RASGRF1: variants seen among roughly 807,000 people sequenced by gnomAD.
RASGRF1 encodes the protein Ras protein specific guanine nucleotide releasing factor 1.
RASGRF1 carries 40 observed loss-of-function variants against 138.7 expected under a neutral mutation model. The ratio of observed to expected loss-of-function variants is 0.29; its 90% CI spans 0.22 to 0.38. The LOEUF is 0.38. RASGRF1 is among the 10% of genes least tolerant of loss of function. RASGRF1 has a pLI of 1.00. For synonymous variants in RASGRF1, 614 were observed against 663.2 expected, an observed-to-expected ratio of 0.93 and a Z score of 1.14; for missense variants, 1,108 against 1,650.4, an observed-to-expected ratio of 0.67 and a Z score of 5.69.
rs2057082552 is a variant in RASGRF1 at position 79,027,871 on chromosome 15, G to C, written c.1263-12C>G. On this transcript the variant is annotated splice_polypyrimidine_tract_variant and intron_variant, in intron 8 of 26. Transcript: ENST00000558480. This position sits in a 1 kb window ranked among gnomAD's most constrained non-coding sequence, Gnocchi z 4.8. The stretch of plus-strand genomic sequence containing the variant: ...CATCGTGCATTATTCTGTGGGGATG[G>C]GAAACTGCACAGTCAGAGACAGGCT... 1.2e-6 allele frequency: 2 copies of C among 1,613,494 alleles called. No individual in the cohort carries two copies. The highest frequency in any genetic ancestry group is 4.5e-5 in the East Asian group (2 of 44,880).
intron 5 of RASGRF1, among the ~76,000 whole-genome samples, 161 bp from the exon 6 acceptor site, chr15:79,035,371 G>C (rs2057205520): frequency 6.6e-6 from 1 of 152,214 alleles, no homozygotes; most frequent in Non-Finnish European, 1.5e-5. Flanking sequence ...ATAATCTGGG[G>C]GTGCCTGGTG....
intron 1 of RASGRF1, among the ~76,000 whole-genome samples, chr15:79,085,759 C>T (rs971783460): frequency 1.3e-5 from 2 of 152,088 alleles, no homozygotes; most frequent in East Asian, 1.9e-4. Flanking sequence ...AGGAGAGAGG[C>T]GAGCTCCCTA....
chr15:79,082,049 T>C (rs2057920697), intron 1 of RASGRF1, among the ~76,000 whole-genome samples: 1 of 152,162 alleles, frequency 6.6e-6, no homozygotes, highest in Non-Finnish European at 1.5e-5. Context: ...CGTGTCCTCA[T>C]GAAACCACCA....
chr15:78,980,983 G>A (rs1304292398), intron 23 of RASGRF1: 5 of 296,040 alleles, frequency 1.7e-5, no homozygotes, highest in Non-Finnish European at 2.5e-5. Flanking sequence ...GCAGGATCCC[G>A]AGACCTGGGC....
chr15:79,060,880 G>C (rs2057594931), intron 2 of RASGRF1, among the ~76,000 whole-genome samples: 1 of 152,156 alleles, frequency 6.6e-6, no homozygotes, highest in Admixed American at 6.5e-5. Flanking sequence ...TTGCACAGTT[G>C]CCCTGCAGGG....
In RASGRF1 at chr15:78,979,081, C is replaced by T. The variant is rs745745510; in HGVS notation, c.3494+1539G>A. 43 of 1,289,892 alleles carry T rather than the reference C, an allele frequency of 3.3e-5. No individual in the cohort carries two copies. The Middle Eastern group carries it at 6.4e-4, about 19-fold the overall frequency. 79.9% of individuals were successfully genotyped at this position (1,289,892 alleles called of 1,614,324 possible). A position where few individuals can be genotyped will look rare whatever the true frequency, so the allele number is the denominator to read the frequency against. On this transcript the variant is annotated intron_variant, in intron 24 of 26. Transcript: ENST00000558480. ...GGTGGATGGAGTGGTGCCCCGGGGG[C>T]GGACGGACGGACAAGTTGGTGAATG...
chr15:79,077,416 T>C (rs2057848563), intron 1 of RASGRF1, among the ~76,000 whole-genome samples: 1 of 152,206 alleles, frequency 6.6e-6, no homozygotes, highest in African/African-American at 2.4e-5. Flanking sequence ...AATAGTGTTT[T>C]GTAAACCACT....
In RASGRF1 at chr15:78,962,098, C is replaced by T. The variant is rs4778731; in HGVS notation, c.*46G>A. ...ACCAAACGAATATGTACAGTATCAT[C>T]TAGCACATGTCCCCGGGAGCAGCTG... On this transcript the variant is annotated 3_prime_UTR_variant, in exon 27 of 27. Transcript: ENST00000558480. 5 of 1,213,584 alleles carry T rather than the reference C, an allele frequency of 4.1e-6. No homozygotes were observed. Among genetic ancestry groups the T allele is most frequent in the African/African-American group, 1.5e-5 (1 of 66,474 alleles). The allele number at this position is 1,213,584 out of a possible 1,614,324, so 75.2% of individuals were successfully genotyped here.
chr15:79,066,703 T>G (rs979600038), intron 1 of RASGRF1, among the ~76,000 whole-genome samples: 11 of 152,192 alleles, frequency 7.2e-5, no homozygotes, highest in African/African-American at 2.4e-4. Flanking sequence ...CCATGTGTAC[T>G]GGAATCCCCT....
At chr15:78,980,805 T>TTGCCTTCC (rs2056009832) in intron 23 of RASGRF1, 106 bp from the exon 24 acceptor site, 1 of 806,310 alleles carries the variant, frequency 1.2e-6, no homozygotes, top group East Asian at 2.7e-5. Flanking sequence ...GGCTCCAGAA[T>TTGCCTTCC]TGCCTTCCCT....
At position 78,984,915 on chromosome 15, in the gene RASGRF1, C is replaced by T. The variant is rs779727197; in HGVS notation, c.3414+92G>A. 1.5e-5 allele frequency: 21 copies of T among 1,404,278 alleles called. No individual in the cohort carries two copies. The South Asian group carries it at 1.9e-4, about 13-fold the overall frequency. 87.0% of individuals were successfully genotyped at this position (1,404,278 alleles called of 1,614,324 possible). On this transcript the variant is annotated intron_variant, in intron 23 of 26. Transcript: ENST00000558480. ...AGACCTCAGCCCAGTACTTTGCCCACTTGTGGATGCCCAGTGGCCAGCCCA... is the reference window on the plus strand; with the variant it reads ...AGACCTCAGCCCAGTACTTTGCCCATTTGTGGATGCCCAGTGGCCAGCCCA...
In RASGRF1 at chr15:79,025,530, G is replaced by T; in HGVS notation, c.1382-56C>A. 1.9e-6 allele frequency: 3 copies of T among 1,557,672 alleles called. No individual in the cohort carries two copies. The South Asian group carries it at 3.6e-5, about 18-fold the overall frequency. On this transcript the variant is annotated intron_variant, in intron 9 of 26. Transcript: ENST00000558480. ...ATCTCCTGGGGTGACCTTTGCCTCT[G>T]ACCCAGCCTTGAAGGTTGAGATGCT... is the stretch of plus-strand genomic sequence containing the variant.
chr15:79,041,868 T>C (rs1457134860), intron 5 of RASGRF1, among the ~76,000 whole-genome samples: 1 of 152,132 alleles, frequency 6.6e-6, no homozygotes, highest in Non-Finnish European at 1.5e-5. Flanking sequence ...GATGAATTGA[T>C]TGTGGCATGC....
In RASGRF1 at chr15:79,073,925, G is replaced by A. The variant is rs1439541207; in HGVS notation, c.277-9399C>T. Among the ~76,000 whole-genome samples the A allele has an allele frequency of 6.6e-6, 1 of 152,214 alleles. No individual in the cohort carries two copies. Among genetic ancestry groups the A allele is most frequent in the Non-Finnish European group, 1.5e-5 (1 of 68,044 alleles). On this transcript the variant is annotated intron_variant, in intron 1 of 26. Coordinates refer to ENST00000558480, the MANE Select transcript of RASGRF1 (RefSeq NM_001145648.3). The surrounding 1 kb of genome is among the most constrained non-coding windows in gnomAD (Gnocchi z 4.2). The stretch of plus-strand genomic sequence containing the variant: ...GTGATCCTGCTGCACCCTGTGGTAT[G>A]AGAAGCATTGCTTAAGGCAAGCCAC...
intron 24 of RASGRF1, among the ~76,000 whole-genome samples, chr15:78,977,963 A>G (rs971974089): frequency 5.9e-5 from 9 of 152,158 alleles, no homozygotes; most frequent in African/African-American, 2.2e-4. Context: ...GGAGGAGGGA[A>G]CAGGCATAGG....
intron 12 of RASGRF1, among the ~76,000 whole-genome samples, chr15:79,016,051 C>G (rs928374434): frequency 2.6e-5 from 4 of 152,190 alleles, no homozygotes; most frequent in Admixed American, 6.5e-5. Flanking sequence ...ATAGGAAGTA[C>G]CCGCCCAAAC....
In RASGRF1 at chr15:79,090,715, C is replaced by T. The variant is rs754612075; in HGVS notation, c.-217G>A. 1.1e-5 allele frequency: 7 copies of T among 647,594 alleles called. No homozygotes were observed. The highest frequency in any genetic ancestry group is 8.8e-5 in the South Asian group (4 of 45,694). The allele number at this position is 647,594 out of a possible 1,614,324, so 40.1% of individuals were successfully genotyped here. ...CCCCGCTGGAACCTCTTCTCCGCTC[C>T]GCAGAGCCCCAGTACCCGGAAGATG... On this transcript the variant is annotated 5_prime_UTR_variant, in exon 1 of 27. Transcript: ENST00000558480.
At chr15:78,974,036 A>T (rs1010443129) in intron 24 of RASGRF1, among the ~76,000 whole-genome samples, 2 of 151,968 alleles carry the variant, frequency 1.3e-5, no homozygotes, top group African/African-American at 4.8e-5. Context: ...GATAGTTTCC[A>T]TGGTTGGTGA....
rs1293942842 is a variant in RASGRF1 at position 78,979,027 on chromosome 15, G to A, written c.3494+1593C>T. 16 of 1,293,386 alleles carry A rather than the reference G, an allele frequency of 1.2e-5. 1 individual carries two copies. Among genetic ancestry groups the A allele is most frequent in the South Asian group, 3.7e-5 (3 of 81,542 alleles). 80.1% of individuals were successfully genotyped at this position (1,293,386 alleles called of 1,614,324 possible). The stretch of plus-strand genomic sequence containing the variant: ...CAGTGGAGGCAGCGGTGGTGGCGGC[G>A]GCAGACGAGGAAGCCAGCCATGTGA... On this transcript the variant is annotated intron_variant, in intron 24 of 26. Transcript: ENST00000558480.
Sources: allele counts gnomAD v4.1 joint callset (sites outside exome capture counted in the v4.1 genomes callset), GRCh38; gene constraint gnomAD v4.1.1; non-coding constraint Gnocchi (gnomAD v3.1); transcripts MANE v1.5; gene names NCBI Gene and HGNC (gene_info 2026-07-23, HGNC 2026-07-21).